The following NBEA variants were observed in gnomAD, a reference collection of about 807,000 sequenced individuals.
NBEA encodes the protein neurobeachin.
A neutral mutation model predicts 343.4 loss-of-function variants in NBEA; 44 were observed. The observed-to-expected ratio is 0.13, with a 90% confidence interval of 0.10 to 0.16. The LOEUF is 0.16. Among genes scored for constraint, NBEA ranks in the 10% least tolerant of loss-of-function variants. The pLI is 1.00. For missense variants in NBEA, 2,555 were observed against 3,631.3 expected (o/e 0.70, Z 7.62); for synonymous variants, 1,175 against 1,238.7 (o/e 0.95, Z 1.08).
intron 39 of NBEA, among the ~76,000 whole-genome samples, chr13:35,445,832 T>A (rs1257413502): frequency 7.9e-6 from 1 of 126,388 alleles, no homozygotes; most frequent in Non-Finnish European, 1.6e-5. Context: ...ATATATATAT[T>A]ATATTTGAAG....
At chr13:35,289,000 A>G (rs2035621424) in intron 34 of NBEA, among the ~76,000 whole-genome samples, 1 of 151,954 alleles carries the variant, frequency 6.6e-6, no homozygotes, top group Non-Finnish European at 1.5e-5. Flanking sequence ...AATATCTGAT[A>G]AGATGGAATA....
At chr13:35,120,353 T>C (rs750091955) in intron 16 of NBEA, among the ~76,000 whole-genome samples, 7 of 152,206 alleles carry the variant, frequency 4.6e-5, no homozygotes, top group Non-Finnish European at 8.8e-5. Context: ...GTTACCCGTA[T>C]GTTAAAAACA....
At chr13:35,146,697 G>T (rs2068449941) in intron 18 of NBEA, among the ~76,000 whole-genome samples, 1 of 152,072 alleles carries the variant, frequency 6.6e-6, no homozygotes, top group Non-Finnish European at 1.5e-5. Context: ...CTTGGTCCAT[G>T]GGTGAAGCAT....
chr13:35,202,020 A>G (rs1007501073), intron 31 of NBEA, among the ~76,000 whole-genome samples: 13 of 152,128 alleles, frequency 8.5e-5, no homozygotes, highest in African/African-American at 3.1e-4. Context: ...AAGGAGGATT[A>G]TTTTAGTTTG....
intron 38 of NBEA, among the ~76,000 whole-genome samples, chr13:35,392,026 G>C (rs1409685889): frequency 1.3e-5 from 2 of 152,058 alleles, no homozygotes; most frequent in African/African-American, 4.8e-5. Flanking sequence ...GGAGACGTAA[G>C]AATAATTGCA....
At chr13:35,142,088 G>A (rs992089439) in intron 17 of NBEA, among the ~76,000 whole-genome samples, 181 bp from the exon 18 acceptor site, 1 of 152,160 alleles carries the variant, frequency 6.6e-6, no homozygotes, top group African/African-American at 2.4e-5. Context: ...TTAACTAATA[G>A]TCTTGGAACT....
intron 8 of NBEA, among the ~76,000 whole-genome samples, chr13:35,066,232 A>G (rs1331014042): frequency 6.6e-6 from 1 of 152,118 alleles, no homozygotes; most frequent in African/African-American, 2.4e-5. Flanking sequence ...AAGTGTTGTG[A>G]TTACAGGCAT....
chr13:35,629,777 C>A (rs750228920), intron 49 of NBEA, among the ~76,000 whole-genome samples: 21 of 152,188 alleles, frequency 1.4e-4, no homozygotes, highest in Non-Finnish European at 2.9e-4. Flanking sequence ...CAACTGTACA[C>A]CCTTGCTTAT....
intron 10 of NBEA, among the ~76,000 whole-genome samples, chr13:35,087,792 C>T (rs1021009949): frequency 1.3e-5 from 2 of 151,710 alleles, no homozygotes; most frequent in Non-Finnish European, 2.9e-5. Context: ...CAAAATAAAA[C>T]GTTTTGTTAC....
chr13:35,116,849 A>G (rs971440994), intron 13 of NBEA, among the ~76,000 whole-genome samples: 2 of 152,040 alleles, frequency 1.3e-5, no homozygotes, highest in Non-Finnish European at 2.9e-5. Context: ...TAGAACTGAT[A>G]TGCACATTTT....
At chr13:35,046,663 A>G (rs1406337879) in intron 4 of NBEA, among the ~76,000 whole-genome samples, 1 of 152,184 alleles carries the variant, frequency 6.6e-6, no homozygotes, top group Non-Finnish European at 1.5e-5. Flanking sequence ...ATAAAATATA[A>G]CAATTATAGC....
At chr13:34,949,958 T>A (rs539307378) in intron 1 of NBEA, among the ~76,000 whole-genome samples, 1 of 152,280 alleles carries the variant, frequency 6.6e-6, no homozygotes, top group African/African-American at 2.4e-5. Flanking sequence ...AAGAAGTGAG[T>A]GTCTGAGATG....
At chr13:35,080,996 T>G (rs2064362549) in intron 10 of NBEA, among the ~76,000 whole-genome samples, 1 of 152,132 alleles carries the variant, frequency 6.6e-6, no homozygotes, top group African/African-American at 2.4e-5. Context: ...TCATCCCAAG[T>G]TTATCAGTAG....
At chr13:35,138,460 T>C (rs569694929) in intron 17 of NBEA, among the ~76,000 whole-genome samples, 2 of 121,568 alleles carry the variant, frequency 1.6e-5, no homozygotes, top group African/African-American at 5.7e-5. Flanking sequence ...ATTATGCTAC[T>C]TTTTTTTTTT....
intron 48 of NBEA, among the ~76,000 whole-genome samples, chr13:35,610,583 C>T (rs976197498): frequency 6.6e-6 from 1 of 152,042 alleles, no homozygotes; most frequent in African/African-American, 2.4e-5. Context: ...AAGTTTGAAA[C>T]CTGAAACTAT....
chr13:35,169,649 T>C (rs2070315640), intron 25 of NBEA, among the ~76,000 whole-genome samples: 1 of 151,738 alleles, frequency 6.6e-6, no homozygotes, highest in Non-Finnish European at 1.5e-5. Flanking sequence ...AACACAGATC[T>C]AGATATTCTA....
At chr13:35,242,136 A>G (rs565423741) in intron 34 of NBEA, among the ~76,000 whole-genome samples, 172 of 152,030 alleles carry the variant, frequency 1.1e-3, no homozygotes, top group African/African-American at 4.0e-3. Context: ...TAATATGCCT[A>G]TGAGCCAAAA....
chr13:35,501,037 T>TG (rs1380286666), intron 41 of NBEA, among the ~76,000 whole-genome samples: 5 of 152,136 alleles, frequency 3.3e-5, no homozygotes, highest in Non-Finnish European at 2.9e-5. Flanking sequence ...AGAGAACTGT[T>TG]GCTGTGCCCC....
chr13:35,654,703 A>G (rs773386587), intron 53 of NBEA, among the ~76,000 whole-genome samples, 152 bp from the exon 54 acceptor site: 7 of 152,374 alleles, frequency 4.6e-5, no homozygotes, highest in South Asian at 2.1e-4. Context: ...AAGGAAATTT[A>G]TATTCCTCAA....
Sources: allele counts gnomAD v4.1 joint callset (sites outside exome capture counted in the v4.1 genomes callset), GRCh38; gene constraint gnomAD v4.1.1; transcripts MANE v1.5; gene names NCBI Gene and HGNC (gene_info 2026-07-23, HGNC 2026-07-21).